SLC26A7: variants seen among roughly 807,000 people sequenced by gnomAD.
SLC26A7 encodes solute carrier family 26 member 7, also known as anion exchange transporter.
In SLC26A7, 59 loss-of-function variants were observed where a neutral mutation model predicts 82.5. That is an observed-to-expected ratio of 0.72 (90% CI 0.58 to 0.89). The LOEUF (loss-of-function observed/expected upper bound fraction) is 0.89, where lower values mean the gene tolerates loss of function less well. Ranked by LOEUF, SLC26A7 falls within the 40% of genes least tolerant of loss-of-function variation. The pLI, the probability that SLC26A7 is intolerant of heterozygous loss-of-function variation, is 0.00. For synonymous variants in SLC26A7, 271 were observed against 274.3 expected (o/e 0.99, Z 0.12); for missense variants, 820 against 793.0 (o/e 1.03, Z -0.41).
intron 2 of SLC26A7, among the ~76,000 whole-genome samples, chr8:91,274,685 C>T (rs1180086988): frequency 6.6e-6 from 1 of 152,182 alleles, no homozygotes; most frequent in Non-Finnish European, 1.5e-5. Flanking sequence ...AAGAAGCAAA[C>T]ATTCAAACCA....
At chr8:91,211,336 G>T (rs888836244) in intron 1 of SLC26A7, among the ~76,000 whole-genome samples, 2 of 151,678 alleles carry the variant, frequency 1.3e-5, no homozygotes, top group Non-Finnish European at 2.9e-5. Flanking sequence ...TATACAGCTT[G>T]TTAATCATGC....
chr8:91,211,310 G>A (rs989297700), intron 1 of SLC26A7, among the ~76,000 whole-genome samples: 2 of 151,480 alleles, frequency 1.3e-5, no homozygotes, highest in African/African-American at 4.8e-5. Context: ...ATATCACAAT[G>A]GAATTAGAAT....
At position 91,317,866 on chromosome 8, in the gene SLC26A7, A is replaced by C. The variant is rs533617743; in HGVS notation, c.478-350A>C. ...AAGAGAAAAGTCTAAATTTAGAAAAAATACTGTGTTAATTTTAACTGAGAT... is the reference window on the plus strand; with the variant it reads ...AAGAGAAAAGTCTAAATTTAGAAAACATACTGTGTTAATTTTAACTGAGAT... On this transcript the variant is annotated intron_variant, in intron 4 of 18. Transcript: ENST00000276609. 7.9e-5 allele frequency among the ~76,000 whole-genome samples: 12 copies of C among 151,124 alleles called. No individual in the cohort carries two copies. The South Asian group carries it at 2.5e-3, about 31-fold the overall frequency.
At chr8:91,214,314 G>A (rs116679138) in intron 1 of SLC26A7, among the ~76,000 whole-genome samples, 186 of 152,314 alleles carry the variant, frequency 1.2e-3, no homozygotes, top group African/African-American at 4.2e-3. Context: ...TGAGTTTCAA[G>A]TGATGCCTGG....
chr8:91,394,709 CAT>C, intron 18 of SLC26A7: 1 of 1,106,336 alleles, frequency 9.0e-7, no homozygotes, highest in Non-Finnish European at 1.1e-6. Flanking sequence ...TTAAATCTAA[CAT>C]ATATTGAGTG....
At chr8:91,240,890 A>G (rs1316020639) in intron 2 of SLC26A7, among the ~76,000 whole-genome samples, 3 of 152,174 alleles carry the variant, frequency 2.0e-5, no homozygotes. Context: ...AACAGTGTTG[A>G]GTGAGACCCT....
At chr8:91,331,114 A>G (rs1481094260) in intron 5 of SLC26A7, among the ~76,000 whole-genome samples, 1 of 152,000 alleles carries the variant, frequency 6.6e-6, no homozygotes, top group Non-Finnish European at 1.5e-5. Context: ...GGGCCCACCC[A>G]TATGATCTCA....
At chr8:91,390,612 T>A (rs1456981153) in intron 16 of SLC26A7, among the ~76,000 whole-genome samples, 1 of 151,988 alleles carries the variant, frequency 6.6e-6, no homozygotes, top group African/African-American at 2.4e-5. Context: ...TCCCAGAGGT[T>A]TTCTTACTCA....
chr8:91,388,283 G>GT (rs1305357787), intron 15 of SLC26A7, among the ~76,000 whole-genome samples: 1 of 148,066 alleles, frequency 6.8e-6, no homozygotes. Context: ...GTCTCGCTCT[G>GT]TTGCCCAGGC....
intron 2 of SLC26A7, among the ~76,000 whole-genome samples, chr8:91,227,046 T>A (rs1810248530): frequency 6.6e-6 from 1 of 152,352 alleles, no homozygotes; most frequent in East Asian, 1.9e-4. Context: ...GAATCACTGA[T>A]TAATTAAATT....
At chr8:91,259,887 G>T (rs564258167) in intron 2 of SLC26A7, among the ~76,000 whole-genome samples, 103 of 152,102 alleles carry the variant, frequency 6.8e-4, no homozygotes, top group Non-Finnish European at 9.6e-4. Flanking sequence ...ATAATTTAGG[G>T]CAAATAATTT....
intron 18 of SLC26A7, chr8:91,394,520 C>G: frequency 7.6e-7 from 1 of 1,312,800 alleles, no homozygotes; most frequent in Non-Finnish European, 9.7e-7. Context: ...AAATGCTGGG[C>G]TTATGGTTTA....
At chr8:91,277,585 T>C (rs1811439759) in intron 2 of SLC26A7, among the ~76,000 whole-genome samples, 1 of 152,184 alleles carries the variant, frequency 6.6e-6, no homozygotes, top group Non-Finnish European at 1.5e-5. Context: ...AATACTGACA[T>C]TGATGGACAT....
In SLC26A7 at chr8:91,262,138, C is replaced by T. The variant is rs186461502; in HGVS notation, c.193+12294C>T. Among the ~76,000 whole-genome samples, 33 of 152,076 alleles carry T rather than the reference C, an allele frequency of 2.2e-4. No homozygotes were observed. In the East Asian group the frequency reaches 5.2e-3, roughly 24 times the overall value. ...AGCTTGAGCTGAGGTTGTGGCACTGCGCCTGGAGATGGCTGGATAGAATCA... is the reference window on the plus strand; with the variant it reads ...AGCTTGAGCTGAGGTTGTGGCACTGTGCCTGGAGATGGCTGGATAGAATCA... On this transcript the variant is annotated intron_variant, in intron 2 of 18. Transcript: ENST00000276609.
chr8:91,279,125 G>GTATATATA lies in SLC26A7; in HGVS notation c.194-9977_194-9970dup, dbSNP rs55869816. Among the ~76,000 whole-genome samples the GTATATATA allele has an allele frequency of 4.5e-3, 501 of 111,158 alleles. 6 individuals carry two copies. Among genetic ancestry groups the GTATATATA allele is most frequent in the East Asian group, 0.014 (43 of 3,032 alleles). 72.9% of individuals were successfully genotyped at this position (111,158 alleles called of 152,430 possible). ...TATTTCATAGTATGTGTGTGTGTGTGTATATATATATATATATATATATAT... is the reference window on the plus strand; with the variant it reads ...TATTTCATAGTATGTGTGTGTGTGTGTATATATATATATATATATATATATATATATAT... On this transcript the variant is annotated intron_variant, in intron 2 of 18. Transcript: ENST00000276609.
intron 4 of SLC26A7, among the ~76,000 whole-genome samples, chr8:91,315,123 A>G (rs919269296): frequency 6.6e-6 from 1 of 152,170 alleles, no homozygotes; most frequent in Non-Finnish European, 1.5e-5. Context: ...TAAAATGATG[A>G]TGGTCTATAC....
intron 2 of SLC26A7, among the ~76,000 whole-genome samples, chr8:91,282,945 C>G (rs1364771405): frequency 2.0e-5 from 3 of 152,156 alleles, no homozygotes; most frequent in Non-Finnish European, 4.4e-5. Context: ...TCATTCAGCA[C>G]TCAGCATAAG....
chr8:91,313,874 G>A lies in SLC26A7; in HGVS notation c.478-4342G>A, dbSNP rs112532680. Among the ~76,000 whole-genome samples, 204 of 152,186 alleles carry A rather than the reference G, an allele frequency of 1.3e-3. 2 individuals are homozygous for A. The highest frequency in any genetic ancestry group is 4.8e-3 in the African/African-American group (199 of 41,536). ...CTAAAATACATTCTATATTCTATCCGCTTGGCTAATATAATTGTTTCCTAT... is the reference window on the plus strand; with the variant it reads ...CTAAAATACATTCTATATTCTATCCACTTGGCTAATATAATTGTTTCCTAT... On this transcript the variant is annotated intron_variant, in intron 4 of 18. Coordinates refer to ENST00000276609, the MANE Select transcript of SLC26A7 (RefSeq NM_052832.4).
chr8:91,253,352 T>C (rs1424720434), intron 2 of SLC26A7, among the ~76,000 whole-genome samples: 4 of 152,124 alleles, frequency 2.6e-5, no homozygotes, highest in South Asian at 2.1e-4. Flanking sequence ...AGCTGCCAGG[T>C]TCTTTTGTTT....
Sources: allele counts gnomAD v4.1 joint callset (sites outside exome capture counted in the v4.1 genomes callset), GRCh38; gene constraint gnomAD v4.1.1; transcripts MANE v1.5; gene names NCBI Gene and HGNC (gene_info 2026-07-23, HGNC 2026-07-21).